The following NRK variants were observed in gnomAD, a reference collection of about 807,000 sequenced individuals.
NRK encodes the protein Nik related kinase.
NRK carries 67 observed loss-of-function variants against 125.2 expected under a neutral mutation model. The observed-to-expected ratio is 0.54, with a 90% CI of 0.44 to 0.66. The LOEUF is 0.66. Among genes scored for constraint, NRK ranks in the 30% least tolerant of loss-of-function variants. The probability of loss-of-function intolerance (pLI) is 0.00; values close to 1 mark genes in which losing one functional copy is unlikely to be tolerated. For synonymous variants in NRK, 458 were observed against 429.0 expected (o/e 1.07, Z -0.84); for missense variants, 1,224 against 1,192.9 (o/e 1.03, Z -0.38).
chrX:105,924,804 G>A lies in NRK; in HGVS notation c.3085G>A (p.Gly1029Arg). The A allele has an allele frequency of 8.3e-7, 1 of 1,210,344 alleles. No homozygotes were observed. Among genetic ancestry groups the A allele is most frequent in the African/African-American group, 1.7e-5 (1 of 57,814 alleles). ...AAGCCATACAGCCAATAGAAGCCAT[G>A]GAGGAAGTGCAGCCAGTGAGGACAA... ...YGSHTANRSH[G>R]GSAASEDNAA... The change falls in exon 19 of 29, where the codon GGA becomes AGA. Residue 1029 changes from glycine to arginine, a missense_variant. Coordinates refer to ENST00000243300, the MANE Select transcript of NRK (RefSeq NM_198465.4).
chrX:105,878,930 C>T (rs1423361425), intron 2 of NRK, among the ~76,000 whole-genome samples: 2 of 111,272 alleles, frequency 1.8e-5, no homozygotes, highest in African/African-American at 6.5e-5. Context: ...TGTATTCCCT[C>T]ACAATTTTGG....
intron 8 of NRK, among the ~76,000 whole-genome samples, chrX:105,899,583 CT>C (rs988389898): frequency 1.8e-5 from 2 of 111,809 alleles, no homozygotes; most frequent in African/African-American, 6.5e-5. Flanking sequence ...TAATTGTATA[CT>C]TTTTGCAGTC....
chrX:105,953,638 C>T (rs983771064), intron 28 of NRK, among the ~76,000 whole-genome samples: 1 of 111,742 alleles, frequency 8.9e-6, no homozygotes, highest in East Asian at 2.8e-4. Flanking sequence ...GATACTTTAA[C>T]AGCTATCTCA....
intron 20 of NRK, 54 bp downstream of exon 20, chrX:105,934,498 A>G (rs1267288937): frequency 1.6e-5 from 12 of 757,145 alleles, no homozygotes; most frequent in Non-Finnish European, 2.3e-5. Context: ...CTTATTAAAT[A>G]GTGTTTAACC....
intron 1 of NRK, among the ~76,000 whole-genome samples, chrX:105,829,894 T>G (rs1198002415): frequency 9.0e-6 from 1 of 111,229 alleles, no homozygotes; most frequent in Non-Finnish European, 1.9e-5. Context: ...TACAGGTTGG[T>G]GCAAAAGTAA....
intron 2 of NRK, among the ~76,000 whole-genome samples, chrX:105,853,287 G>A (rs1201503269): frequency 8.9e-6 from 1 of 111,776 alleles, no homozygotes; most frequent in African/African-American, 3.3e-5. Flanking sequence ...GGGGGAGCAG[G>A]CAATCTGTGT....
chrX:105,895,457 C>T lies in NRK; in HGVS notation c.514C>T (p.Arg172Ter). 2.5e-6 allele frequency: 3 copies of T among 1,204,014 alleles called. No individual in the cohort carries two copies. The highest frequency in any genetic ancestry group is 3.4e-6 in the Non-Finnish European group (3 of 888,885). ...LQGLAHLHAH[R>*]VIHRDIKGQN... ...GGGCTTAGCTCACCTTCACGCACAC[C>T]GAGTAATTCACCGGGACATCAAAGG... The change falls in exon 7 of 29, where the codon CGA (arginine) becomes TGA (stop). Residue 172 changes from arginine (R) to a stop codon, truncating the protein, a stop_gained. Transcript: ENST00000243300. LOFTEE classifies it high-confidence loss of function.
At position 105,946,032 on chromosome X, in the gene NRK, C is replaced by T. The variant is rs767490047; in HGVS notation, c.4203+17C>T. 2.5e-5 allele frequency: 30 copies of T among 1,197,141 alleles called. No homozygotes were observed. The highest frequency in any genetic ancestry group is 3.2e-5 in the Non-Finnish European group (28 of 886,085). ...AAGCTCAAGGCAAGGAACTTGAAGA[C>T]AGCAAACAGAATGCAGGGTCATACA... On this transcript the variant is annotated intron_variant, in intron 25 of 28. Coordinates refer to ENST00000243300, the MANE Select transcript of NRK (RefSeq NM_198465.4).
chrX:105,922,086 A>G (rs761747628), intron 17 of NRK, 25 bp downstream of exon 17: 2 of 729,912 alleles, frequency 2.7e-6, no homozygotes, highest in East Asian at 6.6e-5. Flanking sequence ...TAACACATTA[A>G]TGTCTATTAT....
intron 2 of NRK, among the ~76,000 whole-genome samples, chrX:105,859,181 A>G (rs2039570186): frequency 8.9e-6 from 1 of 111,744 alleles, no homozygotes; most frequent in Non-Finnish European, 1.9e-5. Flanking sequence ...AAAAACCTGG[A>G]TCATTGATTG....
intron 24 of NRK, 110 bp downstream of exon 24, chrX:105,944,151 T>C: frequency 2.4e-6 from 1 of 425,223 alleles, no homozygotes; most frequent in Non-Finnish European, 4.0e-6. Context: ...CATTCTTCTA[T>C]AGTTAATGAA....
intron 7 of NRK, among the ~76,000 whole-genome samples, chrX:105,896,265 T>A (rs996346963): frequency 8.9e-6 from 1 of 111,841 alleles, no homozygotes; most frequent in African/African-American, 3.2e-5. Context: ...TGGCAGATAA[T>A]CCCATGGATA....
At chrX:105,824,464 G>T (rs1431423618) in intron 1 of NRK, among the ~76,000 whole-genome samples, 1 of 110,961 alleles carries the variant, frequency 9.0e-6, no homozygotes, top group Admixed American at 9.7e-5. Context: ...GCAAACTAGG[G>T]CAGATATGTG....
At chrX:105,836,672 A>G (rs1464667415) in intron 2 of NRK, among the ~76,000 whole-genome samples, 1 of 112,288 alleles carries the variant, frequency 8.9e-6, no homozygotes, top group Non-Finnish European at 1.9e-5. Context: ...ACAAACATGT[A>G]GATATACATT....
intron 1 of NRK, among the ~76,000 whole-genome samples, chrX:105,826,321 C>CAT (rs1458441328): frequency 2.5e-5 from 2 of 80,191 alleles, no homozygotes; most frequent in African/African-American, 9.6e-5. Context: ...ATATATATTT[C>CAT]ATATATATAA....
chrX:105,901,952 A>T (rs1193510596), intron 9 of NRK, among the ~76,000 whole-genome samples: 1 of 110,307 alleles, frequency 9.1e-6, no homozygotes, highest in African/African-American at 3.3e-5. Context: ...AGCAACTAAT[A>T]TTTCATATTA....
chrX:105,892,315 C>A (rs1211156093), intron 5 of NRK, among the ~76,000 whole-genome samples: 1 of 111,782 alleles, frequency 8.9e-6, no homozygotes. Context: ...GAACTGAGAT[C>A]TGAAGGATGA....
intron 19 of NRK, among the ~76,000 whole-genome samples, chrX:105,930,985 C>T (rs147168015): frequency 1.4e-3 from 156 of 111,999 alleles, no homozygotes; most frequent in Middle Eastern, 4.6e-3. Context: ...AATTTGCCCT[C>T]CAGTGTTGAG....
At chrX:105,941,092 T>G (rs1021402749) in intron 23 of NRK, among the ~76,000 whole-genome samples, 1 of 111,723 alleles carries the variant, frequency 9.0e-6, no homozygotes, top group African/African-American at 3.3e-5. Flanking sequence ...GTGAAAGATA[T>G]CCCCAGATGT....
Sources: gnomAD v4.1 joint callset for allele counts (sites outside exome capture counted in the v4.1 genomes callset) on GRCh38, gnomAD v4.1.1 for gene constraint, MANE v1.5 for transcripts, NCBI Gene and HGNC (gene_info 2026-07-23, HGNC 2026-07-21) for gene names.